The following ANK3 variants were observed in gnomAD, a reference collection of about 807,000 sequenced individuals.
ANK3 encodes the protein ankyrin-3.
Under a neutral mutation model 370.9 loss-of-function variants are expected in ANK3, and 57 were observed. That is an observed-to-expected ratio of 0.15 (90% CI 0.12 to 0.19). ANK3 has a LOEUF of 0.19. Among genes scored for constraint, ANK3 ranks in the 10% least tolerant of loss-of-function variants. The probability of loss-of-function intolerance (pLI) is 1.00; values close to 1 mark genes in which losing one functional copy is unlikely to be tolerated. For synonymous variants in ANK3, 1,929 were observed against 1,946.3 expected (o/e 0.99, Z 0.23); for missense variants, 4,439 against 5,302.1 (o/e 0.84, Z 5.06).
At chr10:60,287,895 G>GT (rs1348321102) in intron 1 of ANK3, among the ~76,000 whole-genome samples, 1 of 152,062 alleles carries the variant, frequency 6.6e-6, no homozygotes, top group African/African-American at 2.4e-5. Context: ...ACTCTTATCT[G>GT]TTTAATAGAT....
intron 16 of ANK3, among the ~76,000 whole-genome samples, chr10:60,191,176 GA>G (rs552211998): frequency 6.6e-6 from 1 of 152,128 alleles, no homozygotes; most frequent in East Asian, 1.9e-4. Context: ...TTGAACTAGG[GA>G]AAAAATTCAC....
chr10:60,699,454 C>A (rs1035816482), intron 1 of ANK3, among the ~76,000 whole-genome samples: 1 of 151,922 alleles, frequency 6.6e-6, no homozygotes, highest in Admixed American at 6.6e-5. Flanking sequence ...ATACAATGAT[C>A]AAATCTTTTA....
At chr10:60,034,920 A>G (rs1345837747) in intron 43 of ANK3, among the ~76,000 whole-genome samples, 1 of 152,182 alleles carries the variant, frequency 6.6e-6, no homozygotes, top group Non-Finnish European at 1.5e-5. Flanking sequence ...GTAATTCCCA[A>G]TTCAGGTAGC....
intron 2 of ANK3, among the ~76,000 whole-genome samples, chr10:60,519,442 A>C (rs1025824452): frequency 4.6e-5 from 7 of 152,188 alleles, no homozygotes; most frequent in African/African-American, 1.7e-4. Context: ...AATATGTCCC[A>C]GAGGTTTGGA....
chr10:60,033,364 A>C (rs1426523899), intron 43 of ANK3, among the ~76,000 whole-genome samples: 1 of 151,694 alleles, frequency 6.6e-6, no homozygotes, highest in Non-Finnish European at 1.5e-5. Context: ...AAAATACAAA[A>C]ATTGGCCGGG....
chr10:60,191,982 C>T (rs1417863751), intron 16 of ANK3, among the ~76,000 whole-genome samples: 1 of 152,118 alleles, frequency 6.6e-6, no homozygotes, highest in Non-Finnish European at 1.5e-5. Context: ...GGTCTTGGCT[C>T]ACTGCATCCT....
chr10:60,421,554 G>A (rs1041065920), intron 2 of ANK3, among the ~76,000 whole-genome samples: 2 of 151,750 alleles, frequency 1.3e-5, no homozygotes, highest in African/African-American at 4.8e-5. Context: ...TGAGGGGAGG[G>A]AGCGCACAAT....
chr10:60,651,630 G>A (rs2133362814), intron 1 of ANK3, among the ~76,000 whole-genome samples: 1 of 152,216 alleles, frequency 6.6e-6, no homozygotes, highest in South Asian at 2.1e-4. Context: ...CTTCAAATAT[G>A]AGCTCTGTTA....
Position 60,085,201 on chromosome 10 carries a change from C to A in ANK3, c.3801G>T (p.Thr1267=). 1 of 1,613,274 alleles carries A rather than the reference C, an allele frequency of 6.2e-7. No individual in the cohort carries two copies. Among genetic ancestry groups the A allele is most frequent in the African/African-American group, 1.3e-5 (1 of 74,982 alleles). The change falls in exon 31 of 44, where the codon ACG becomes ACT. Residue 1267 remains threonine (T), a synonymous_variant. Coordinates refer to ENST00000280772, the MANE Select transcript of ANK3 (RefSeq NM_020987.5). ...TAAAGGAGACACAATCTTTTATAAACGTCAAAGGAGTTGTTCCTGTGATGT... is the reference window on the plus strand; with the variant it reads ...TAAAGGAGACACAATCTTTTATAAAAGTCAAAGGAGTTGTTCCTGTGATGT... ...WEDITGTTPL[T]FIKDCVSFTT... is the part of the protein sequence containing the mutation.
At chr10:60,363,591 G>A (rs1478297673) in intron 1 of ANK3, among the ~76,000 whole-genome samples, 1 of 152,200 alleles carries the variant, frequency 6.6e-6, no homozygotes, top group Non-Finnish European at 1.5e-5. Context: ...TAAGTGTACA[G>A]GGCAACACTT....
chr10:60,298,852 T>C (rs1160367621), intron 1 of ANK3, among the ~76,000 whole-genome samples: 1 of 152,218 alleles, frequency 6.6e-6, no homozygotes, highest in East Asian at 1.9e-4. Flanking sequence ...GCTCAAACCC[T>C]TCCCAGCAAT....
chr10:60,128,384 CTTTTTTTTT>C (rs56104024), intron 25 of ANK3, among the ~76,000 whole-genome samples: 1 of 146,062 alleles, frequency 6.8e-6, no homozygotes, highest in East Asian at 2.0e-4. Flanking sequence ...CATTTTTTTT[CTTTTTTTTT>C]TTTTGAGATA....
At chr10:60,528,374 A>G (rs2076528511) in intron 2 of ANK3, among the ~76,000 whole-genome samples, 1 of 151,884 alleles carries the variant, frequency 6.6e-6, no homozygotes, top group Non-Finnish European at 1.5e-5. Flanking sequence ...AACCTCAGGC[A>G]ATCCACCCAC....
At chr10:60,260,509 A>G (rs1193159155) in intron 7 of ANK3, among the ~76,000 whole-genome samples, 1 of 152,190 alleles carries the variant, frequency 6.6e-6, no homozygotes, top group Non-Finnish European at 1.5e-5. Flanking sequence ...TACGTTCAAA[A>G]TAACAGTGCT....
chr10:60,030,106 G>A (rs898740787), intron 43 of ANK3, among the ~76,000 whole-genome samples: 1 of 151,518 alleles, frequency 6.6e-6, no homozygotes, highest in South Asian at 2.1e-4. Flanking sequence ...GCTTATTATT[G>A]TATCTGTGTT....
At chr10:60,354,556 T>C (rs1186265190) in intron 1 of ANK3, among the ~76,000 whole-genome samples, 2 of 152,224 alleles carry the variant, frequency 1.3e-5, no homozygotes, top group African/African-American at 4.8e-5. Context: ...TGTTGTTTTT[T>C]AATAACACTT....
chr10:60,240,304 A>ATTTTTTTT (rs1305756045), intron 7 of ANK3, among the ~76,000 whole-genome samples: 5 of 87,642 alleles, frequency 5.7e-5, no homozygotes, highest in South Asian at 3.3e-4. Context: ...ATATATATAT[A>ATTTTTTTT]TATTTTTTTT....
chr10:60,064,349 A>C, intron 38 of ANK3, 61 bp from the exon 39 acceptor site: 2 of 1,477,930 alleles, frequency 1.4e-6, no homozygotes, highest in Admixed American at 2.4e-5. Flanking sequence ...ACGTTTCATA[A>C]AAGTAATGCT....
At chr10:60,188,607 A>G (rs1266012795) in intron 16 of ANK3, among the ~76,000 whole-genome samples, 2 of 152,176 alleles carry the variant, frequency 1.3e-5, no homozygotes, top group African/African-American at 4.8e-5. Flanking sequence ...TCCTGCTGCA[A>G]TGAACCTCAC....
Sources: allele counts gnomAD v4.1 joint callset (sites outside exome capture counted in the v4.1 genomes callset), GRCh38; gene constraint gnomAD v4.1.1; transcripts MANE v1.5; gene names NCBI Gene and HGNC (gene_info 2026-07-23, HGNC 2026-07-21).